RYR2: variants seen among roughly 807,000 people sequenced by gnomAD.
RYR2 encodes cardiac muscle ryanodine receptor-calcium release channel.
In RYR2, 227 loss-of-function variants were observed where a neutral mutation model predicts 601.1. The ratio of observed to expected loss-of-function variants is 0.38; its 90% confidence interval spans 0.34 to 0.42. RYR2 has a LOEUF of 0.42. Among genes scored for constraint, RYR2 ranks in the 10% least tolerant of loss-of-function variants. The probability of loss-of-function intolerance (pLI) is 1.00; values close to 1 mark genes in which losing one functional copy is unlikely to be tolerated. For missense variants in RYR2, 4,646 were observed against 6,156.5 expected (o/e 0.75, Z 8.21); for synonymous variants, 2,223 against 2,175.1 (o/e 1.02, Z -0.61).
chr1:237,796,204 A>G (rs1331085887), intron 96 of RYR2, among the ~76,000 whole-genome samples: 10 of 152,128 alleles, frequency 6.6e-5, no homozygotes, highest in Non-Finnish European at 1.2e-4. Context: ...ATGGTTTTAA[A>G]TAGATAATTT....
At chr1:237,151,657 T>C (rs1265096248) in intron 1 of RYR2, among the ~76,000 whole-genome samples, 1 of 152,202 alleles carries the variant, frequency 6.6e-6, no homozygotes, top group Non-Finnish European at 1.5e-5. Flanking sequence ...TAGCCAGTGC[T>C]AACTTAGCCA....
chr1:237,468,527 G>A (rs1660330839), intron 16 of RYR2, among the ~76,000 whole-genome samples: 1 of 152,128 alleles, frequency 6.6e-6, no homozygotes, highest in Admixed American at 6.5e-5. Flanking sequence ...TAAATCCACG[G>A]AAATGATATA....
intron 101 of RYR2, among the ~76,000 whole-genome samples, chr1:237,826,655 A>ATACATTCAAG (rs1365193455): frequency 1.3e-5 from 2 of 152,138 alleles, no homozygotes; most frequent in African/African-American, 4.8e-5. Flanking sequence ...AAAAAAGGAC[A>ATACATTCAAG]TACATTCAAG....
intron 16 of RYR2, 92 bp from the exon 17 acceptor site, chr1:237,469,000 C>A: frequency 2.0e-6 from 2 of 983,768 alleles, no homozygotes; most frequent in East Asian, 2.5e-5. Flanking sequence ...ATATTTTGTT[C>A]TTGATCCAAT....
chr1:237,455,525 A>G (rs1253881909), intron 15 of RYR2, among the ~76,000 whole-genome samples: 12 of 152,114 alleles, frequency 7.9e-5, no homozygotes, highest in Admixed American at 7.9e-4. Flanking sequence ...GTGACACGCA[A>G]TATACCCACA....
At position 237,400,465 on chromosome 1, in the gene RYR2, G is replaced by A. The variant is rs191220511; in HGVS notation, c.773+12282G>A. On this transcript the variant is annotated intron_variant, in intron 10 of 104. Coordinates refer to ENST00000366574, the MANE Select transcript of RYR2 (RefSeq NM_001035.3). ...TGGCCCTCAGACTGGAAGGGGGCATGTAAAGAGAGACCCTGAATATAGGAG... is the reference window on the plus strand; with the variant it reads ...TGGCCCTCAGACTGGAAGGGGGCATATAAAGAGAGACCCTGAATATAGGAG... 1.6e-3 allele frequency among the ~76,000 whole-genome samples: 236 copies of A among 152,242 alleles called. 2 individuals are homozygous for A. Among genetic ancestry groups the A allele is most frequent in the Admixed American group, 4.6e-3 (71 of 15,282 alleles).
chr1:237,567,253 C>T (rs938179746), intron 28 of RYR2, among the ~76,000 whole-genome samples: 60 of 151,772 alleles, frequency 4.0e-4, no homozygotes, highest in African/African-American at 1.5e-3. Context: ...TATTTATATA[C>T]TAATAAATGT....
chr1:237,517,253 T>A lies in RYR2; in HGVS notation c.2822+5462T>A, dbSNP rs530354112. Among the ~76,000 whole-genome samples, 10 of 152,312 alleles carry A rather than the reference T, an allele frequency of 6.6e-5. 1 individual carries two copies. Among genetic ancestry groups the A allele is most frequent in the African/African-American group, 2.4e-4 (10 of 41,564 alleles). On this transcript the variant is annotated intron_variant, in intron 24 of 104. Transcript: ENST00000366574. The stretch of plus-strand genomic sequence containing the variant: ...CTCCTCCCTACTCATCCCTCAGGCC[T>A]TCATTTAAATATCACTTCCCTGATA...
intron 76 of RYR2, 112 bp from the exon 77 acceptor site, chr1:237,730,148 A>C: frequency 1.5e-6 from 1 of 650,542 alleles, no homozygotes. Context: ...TAGAGAATTT[A>C]TTTCTATTTT....
chr1:237,741,322 T>G (rs1035753757), intron 79 of RYR2, among the ~76,000 whole-genome samples: 11 of 152,160 alleles, frequency 7.2e-5, no homozygotes, highest in African/African-American at 2.7e-4. Flanking sequence ...TTCATCTCCA[T>G]GCCCAGAGTA....
chr1:237,781,071 C>G (rs1695069323), intron 88 of RYR2, among the ~76,000 whole-genome samples: 1 of 151,620 alleles, frequency 6.6e-6, no homozygotes, highest in Non-Finnish European at 1.5e-5. Flanking sequence ...TTTTCTGAGA[C>G]CCAGTCTTGC....
chr1:237,196,593 C>G (rs931544853), intron 1 of RYR2, among the ~76,000 whole-genome samples: 2 of 152,108 alleles, frequency 1.3e-5, no homozygotes, highest in Admixed American at 6.5e-5. Context: ...TATGTCAGCT[C>G]TGACATATAT....
intron 10 of RYR2, among the ~76,000 whole-genome samples, chr1:237,413,935 GA>G (rs373387833): frequency 2.0e-5 from 3 of 152,058 alleles, no homozygotes; most frequent in African/African-American, 7.2e-5. Flanking sequence ...TTATATTCTA[GA>G]TAGAGTATAA....
intron 14 of RYR2, among the ~76,000 whole-genome samples, chr1:237,451,153 T>A (rs1376601067): frequency 1.3e-5 from 2 of 152,094 alleles, no homozygotes; most frequent in Admixed American, 6.6e-5. Flanking sequence ...TCCCAGCACT[T>A]TGGGAGGCCA....
At chr1:237,075,141 G>T (rs1332331199) in intron 1 of RYR2, among the ~76,000 whole-genome samples, 2 of 152,134 alleles carry the variant, frequency 1.3e-5, no homozygotes, top group African/African-American at 4.8e-5. Context: ...GCAACATTTT[G>T]GAAAGCCTGT....
At chr1:237,745,624 C>A (rs1035275550) in intron 80 of RYR2, among the ~76,000 whole-genome samples, 1 of 152,166 alleles carries the variant, frequency 6.6e-6, no homozygotes, top group African/African-American at 2.4e-5. Context: ...CGAAAGACGA[C>A]AAGTGATGGC....
intron 25 of RYR2, among the ~76,000 whole-genome samples, chr1:237,542,155 G>A (rs1460549060): frequency 2.6e-5 from 4 of 151,736 alleles, no homozygotes; most frequent in African/African-American, 9.7e-5. Context: ...GTGCGATGGC[G>A]CCATCTCGGC....
intron 17 of RYR2, among the ~76,000 whole-genome samples, chr1:237,483,772 T>G (rs1662376566): frequency 6.6e-6 from 1 of 152,212 alleles, no homozygotes. Context: ...ATTTAATTAC[T>G]CAGAGCTAAA....
At chr1:237,055,326 A>C (rs985618246) in intron 1 of RYR2, among the ~76,000 whole-genome samples, 1 of 152,080 alleles carries the variant, frequency 6.6e-6, no homozygotes, top group Admixed American at 6.6e-5. Context: ...TCTCCTTCTC[A>C]AGGGAGAAAA....
Sources: gnomAD v4.1 joint callset for allele counts (sites outside exome capture counted in the v4.1 genomes callset) on GRCh38, gnomAD v4.1.1 for gene constraint, MANE v1.5 for transcripts, NCBI Gene and HGNC (gene_info 2026-07-23, HGNC 2026-07-21) for gene names.